The following KALRN variants were observed in gnomAD, a reference collection of about 807,000 sequenced individuals.
The protein encoded by KALRN is kalirin.
In KALRN, 70 loss-of-function variants were observed where a neutral mutation model predicts 353.7. The ratio of observed to expected loss-of-function variants is 0.20; its 90% CI spans 0.16 to 0.24. KALRN has a LOEUF of 0.24. Ranked by LOEUF, KALRN falls within the 10% of genes least tolerant of loss-of-function variation. The probability of loss-of-function intolerance (pLI) is 1.00; values close to 1 mark genes in which losing one functional copy is unlikely to be tolerated. For missense variants in KALRN, 2,791 were observed against 3,756.7 expected, an observed-to-expected ratio of 0.74 and a Z score of 6.72; for synonymous variants, 1,391 against 1,434.8, an observed-to-expected ratio of 0.97 and a Z score of 0.69.
chr3:124,365,390 C>T (rs1458428552), intron 10 of KALRN, among the ~76,000 whole-genome samples: 1 of 152,176 alleles, frequency 6.6e-6, no homozygotes. Context: ...CCCAACACTA[C>T]AGTATGGTTC....
intron 1 of KALRN, among the ~76,000 whole-genome samples, chr3:124,135,175 A>G (rs959649496): frequency 6.6e-6 from 1 of 152,260 alleles, no homozygotes; most frequent in Admixed American, 6.5e-5. Flanking sequence ...GTATATACAT[A>G]TGATGGAATA....
intron 9 of KALRN, among the ~76,000 whole-genome samples, chr3:124,343,832 A>G (rs1011834330): frequency 6.6e-6 from 1 of 152,244 alleles, no homozygotes; most frequent in African/African-American, 2.4e-5. Context: ...AGTTCTCAGC[A>G]TCAGGCCATG....
intron 49 of KALRN, chr3:124,675,378 C>G (rs1007403896): frequency 6.6e-6 from 1 of 152,138 alleles, no homozygotes; most frequent in Non-Finnish European, 1.5e-5. Context: ...TTTAAATGTA[C>G]TATTTTAAAT....
chr3:124,597,689 A>G (rs1376408223), intron 34 of KALRN, among the ~76,000 whole-genome samples: 1 of 152,176 alleles, frequency 6.6e-6, no homozygotes, highest in Non-Finnish European at 1.5e-5. Flanking sequence ...CCAAATTGAG[A>G]TATGCTGTAT....
At chr3:124,555,069 T>C (rs372847814) in intron 33 of KALRN, among the ~76,000 whole-genome samples, 12 of 152,134 alleles carry the variant, frequency 7.9e-5, no homozygotes, top group East Asian at 5.8e-4. Context: ...GAGTCCCATC[T>C]TCCTGTTTTA....
intron 6 of KALRN, among the ~76,000 whole-genome samples, chr3:124,307,985 AC>A (rs1319809884): frequency 6.6e-6 from 1 of 152,054 alleles, no homozygotes; most frequent in East Asian, 1.9e-4. Context: ...TATTATGCAA[AC>A]AGCAATCAGA....
At chr3:124,405,056 C>T (rs999322303) in intron 13 of KALRN, among the ~76,000 whole-genome samples, 5 of 152,156 alleles carry the variant, frequency 3.3e-5, no homozygotes, top group Admixed American at 6.5e-5. Flanking sequence ...CCCCCAGAAC[C>T]TTTGGAAAGA....
At chr3:124,475,652 G>A (rs2061365507) in intron 26 of KALRN, among the ~76,000 whole-genome samples, 1 of 152,170 alleles carries the variant, frequency 6.6e-6, no homozygotes, top group African/African-American at 2.4e-5. Context: ...ACAACACTAT[G>A]TTTATGTTTT....
intron 1 of KALRN, among the ~76,000 whole-genome samples, chr3:124,214,128 G>C (rs1302714723): frequency 6.6e-6 from 1 of 151,998 alleles, no homozygotes; most frequent in African/African-American, 2.4e-5. Flanking sequence ...GATAACTGCT[G>C]TGTACATATA....
At chr3:124,431,574 G>T (rs1281836933) in intron 16 of KALRN, among the ~76,000 whole-genome samples, 1 of 151,994 alleles carries the variant, frequency 6.6e-6, no homozygotes, top group Non-Finnish European at 1.5e-5. Flanking sequence ...AATAAAATAA[G>T]TTAATTACCA....
At position 124,309,596 on chromosome 3, in the gene KALRN, A is replaced by G. The variant is rs114443317; in HGVS notation, c.1092+10683A>G. Among the ~76,000 whole-genome samples the G allele has an allele frequency of 6.7e-3, 1,016 of 152,222 alleles. 11 individuals are homozygous for G. The highest frequency in any genetic ancestry group is 0.023 in the African/African-American group (944 of 41,538). The stretch of plus-strand genomic sequence containing the variant: ...AAAAAGAAACAAAATCCAGCAACAT[A>G]TAGAAAGAATTACACACCACGACCA... On this transcript the variant is annotated intron_variant, in intron 6 of 59. Coordinates refer to ENST00000682506, the MANE Select transcript of KALRN (RefSeq NM_001388419.1).
At chr3:124,428,722 T>C (rs1237064165) in intron 15 of KALRN, among the ~76,000 whole-genome samples, 2 of 152,204 alleles carry the variant, frequency 1.3e-5, no homozygotes, top group African/African-American at 4.8e-5. Flanking sequence ...AAGGAAATGA[T>C]GTTATATAAT....
chr3:124,375,532 C>T (rs549672598), intron 10 of KALRN, among the ~76,000 whole-genome samples: 24 of 152,286 alleles, frequency 1.6e-4, no homozygotes, highest in Admixed American at 1.3e-3. Flanking sequence ...AGAATCTTTC[C>T]CTGCTATATG....
chr3:124,226,875 A>G (rs6799885), intron 1 of KALRN, among the ~76,000 whole-genome samples: 14,760 of 152,116 alleles, frequency 0.097, 1,069 homozygotes, highest in African/African-American at 0.19. Context: ...TATCCATGGT[A>G]TCTGGTTCTG....
chr3:124,135,212 T>A (rs943200660), intron 1 of KALRN, among the ~76,000 whole-genome samples: 2 of 152,196 alleles, frequency 1.3e-5, no homozygotes, highest in African/African-American at 4.8e-5. Flanking sequence ...AGGAATGAAT[T>A]AACAGCATTT....
At chr3:124,658,891 C>T (rs1377917559) in intron 42 of KALRN, among the ~76,000 whole-genome samples, 2 of 152,192 alleles carry the variant, frequency 1.3e-5, no homozygotes, top group Non-Finnish European at 2.9e-5. Context: ...GAAGGGTTTG[C>T]AGCCACTTCC....
chr3:124,144,576 T>C (rs1303287597), intron 1 of KALRN, among the ~76,000 whole-genome samples: 1 of 151,630 alleles, frequency 6.6e-6, no homozygotes, highest in Non-Finnish European at 1.5e-5. Context: ...CTATTCCTCA[T>C]CCTCCTCCTC....
intron 1 of KALRN, among the ~76,000 whole-genome samples, chr3:124,099,726 T>G (rs2061709829): frequency 6.6e-6 from 1 of 152,248 alleles, no homozygotes; most frequent in Non-Finnish European, 1.5e-5. Flanking sequence ...CAGCATCTTT[T>G]ATTTTTTGTC....
intron 1 of KALRN, among the ~76,000 whole-genome samples, chr3:124,157,016 C>T (rs1352889338): frequency 6.6e-6 from 1 of 152,214 alleles, no homozygotes; most frequent in Non-Finnish European, 1.5e-5. Flanking sequence ...TTCTTAATCT[C>T]TGCACATTTA....
Sources: allele counts gnomAD v4.1 joint callset (sites outside exome capture counted in the v4.1 genomes callset), GRCh38; gene constraint gnomAD v4.1.1; transcripts MANE v1.5; gene names NCBI Gene and HGNC (gene_info 2026-07-23, HGNC 2026-07-21).